UNC5C: variants seen among roughly 807,000 people sequenced by gnomAD.
UNC5C encodes the protein unc-5 netrin receptor C.
In UNC5C, 47 loss-of-function variants were observed where a neutral mutation model predicts 99.8. The observed-to-expected ratio is 0.47, with a 90% CI of 0.37 to 0.60. The LOEUF is 0.60. UNC5C is among the 20% of genes least tolerant of loss of function. The pLI, the probability that UNC5C is intolerant of heterozygous loss-of-function variation, is 0.00. For synonymous variants in UNC5C, 487 were observed against 452.2 expected (o/e 1.08, Z -0.98); for missense variants, 1,062 against 1,165.9 (o/e 0.91, Z 1.30).
At chr4:95,211,769 T>C (rs1344241060) in intron 10 of UNC5C, among the ~76,000 whole-genome samples, 1 of 152,032 alleles carries the variant, frequency 6.6e-6, no homozygotes, top group South Asian at 2.1e-4. Context: ...TTACCTTTTT[T>C]ATCCACTTAT....
At chr4:95,195,511 G>A (rs957026929) in intron 12 of UNC5C, among the ~76,000 whole-genome samples, 8 of 152,170 alleles carry the variant, frequency 5.3e-5, no homozygotes, top group African/African-American at 1.9e-4. Flanking sequence ...ATGGATACTA[G>A]GATAATTCCA....
intron 1 of UNC5C, among the ~76,000 whole-genome samples, chr4:95,398,919 GA>G (rs1268089066): frequency 6.6e-6 from 1 of 151,958 alleles, no homozygotes; most frequent in Non-Finnish European, 1.5e-5. Flanking sequence ...AAAAATCACA[GA>G]AAAAAAGTAT....
At chr4:95,413,942 A>C (rs2149453047) in intron 1 of UNC5C, among the ~76,000 whole-genome samples, 2 of 152,314 alleles carry the variant, frequency 1.3e-5, no homozygotes, top group South Asian at 4.1e-4. Context: ...TTTACCATCA[A>C]AGAAAAGCTG....
intron 7 of UNC5C, among the ~76,000 whole-genome samples, chr4:95,230,636 G>A (rs1310863607): frequency 6.6e-6 from 1 of 151,788 alleles, no homozygotes; most frequent in East Asian, 1.9e-4. Context: ...GTAAGGAAGG[G>A]GTCCAGTTTT....
intron 1 of UNC5C, among the ~76,000 whole-genome samples, chr4:95,348,953 G>T (rs1025859297): frequency 7.2e-6 from 1 of 138,954 alleles, no homozygotes. Flanking sequence ...ATAGAATGAT[G>T]GTTACCAGAA....
At chr4:95,358,278 G>A (rs902017830) in intron 1 of UNC5C, among the ~76,000 whole-genome samples, 3 of 152,104 alleles carry the variant, frequency 2.0e-5, no homozygotes, top group African/African-American at 4.8e-5. Context: ...TAAAATCATA[G>A]TTTCCTTGTG....
At chr4:95,186,033 G>A (rs926349189) in intron 12 of UNC5C, among the ~76,000 whole-genome samples, 1 of 152,154 alleles carries the variant, frequency 6.6e-6, no homozygotes, top group African/African-American at 2.4e-5. Context: ...GTTAATGGGA[G>A]TTAATGAAGC....
chr4:95,182,710 A>G (rs1018328810), intron 14 of UNC5C, among the ~76,000 whole-genome samples, 187 bp downstream of exon 14: 1 of 152,078 alleles, frequency 6.6e-6, no homozygotes, highest in Non-Finnish European at 1.5e-5. Context: ...CTTAATATAT[A>G]TATATTTTTT....
intron 1 of UNC5C, among the ~76,000 whole-genome samples, chr4:95,438,246 T>G (rs951425252): frequency 6.6e-6 from 1 of 152,082 alleles, no homozygotes; most frequent in African/African-American, 2.4e-5. Context: ...AGAGGTTCCA[T>G]GACCATGTCA....
chr4:95,284,948 G>A (rs1269107382), intron 3 of UNC5C, among the ~76,000 whole-genome samples: 2 of 152,144 alleles, frequency 1.3e-5, no homozygotes, highest in Non-Finnish European at 2.9e-5. Context: ...AGGCTCTATT[G>A]TCATGGGTCA....
At chr4:95,275,170 G>T (rs985001927) in intron 4 of UNC5C, among the ~76,000 whole-genome samples, 1 of 152,102 alleles carries the variant, frequency 6.6e-6, no homozygotes, top group Non-Finnish European at 1.5e-5. Context: ...GTCTTCATTT[G>T]TAGCGTGTGT....
At chr4:95,182,631 T>G (rs1453501006) in intron 14 of UNC5C, among the ~76,000 whole-genome samples, 1 of 152,194 alleles carries the variant, frequency 6.6e-6, no homozygotes, top group African/African-American at 2.4e-5. Flanking sequence ...AGATCTGTTT[T>G]TACAAGTTAG....
chr4:95,522,795 T>C (rs901152227), intron 1 of UNC5C, among the ~76,000 whole-genome samples: 1 of 152,164 alleles, frequency 6.6e-6, no homozygotes, highest in Non-Finnish European at 1.5e-5. Context: ...TTATCTGTGC[T>C]TGGAACTGCT....
intron 10 of UNC5C, among the ~76,000 whole-genome samples, chr4:95,215,713 C>T (rs531991537): frequency 4.5e-4 from 68 of 152,182 alleles, no homozygotes; most frequent in African/African-American, 1.5e-3. Flanking sequence ...TGAGTGGGAG[C>T]GGTAGGGATT....
chr4:95,328,988 C>T (rs181216303), intron 2 of UNC5C, among the ~76,000 whole-genome samples: 8 of 152,270 alleles, frequency 5.3e-5, no homozygotes, highest in Admixed American at 1.3e-4. Context: ...GTAAATGAGC[C>T]ATACCCCTGT....
chr4:95,365,598 C>A (rs1188626867), intron 1 of UNC5C, among the ~76,000 whole-genome samples: 2 of 151,762 alleles, frequency 1.3e-5, no homozygotes, highest in African/African-American at 2.4e-5. Flanking sequence ...TTTCTAATGG[C>A]TCAAACCTAT....
Position 95,206,749 on chromosome 4 carries a change from C to T in UNC5C, c.1781G>A (p.Cys594Tyr), listed in dbSNP as rs1024527050. Reference sequence around the variant, plus strand: ...GGTGAGCAGAGCTCCTGGGGGCCCACAGCTCACCACAGGGGTCAAAAGTGT... The same window carrying T: ...GGTGAGCAGAGCTCCTGGGGGCCCATAGCTCACCACAGGGGTCAAAAGTGT... ...SQTLLTPVVS[C>Y]GPPGALLTRP... Residue 594 changes from cysteine to tyrosine, a missense_variant, in exon 11 of 16, where the codon TGT becomes TAT. Physicochemically the swap from Cys to Tyr is radical, Grantham distance 194. Transcript: ENST00000453304. The T allele has an allele frequency of 1.5e-5, 25 of 1,613,472 alleles. 1 individual carries two copies. In the Admixed American group the frequency reaches 2.2e-4, roughly 14 times the overall value.
intron 1 of UNC5C, among the ~76,000 whole-genome samples, chr4:95,412,469 C>T (rs1473267657): frequency 1.3e-5 from 2 of 152,054 alleles, no homozygotes; most frequent in Non-Finnish European, 2.9e-5. Flanking sequence ...AGGAACTGAC[C>T]TTTATCTTGA....
rs542108127 is a variant in UNC5C, at chr4:95,211,655, C to T, written c.1733+4469G>A. Among the ~76,000 whole-genome samples the T allele has an allele frequency of 1.1e-4, 16 of 152,280 alleles. No individual in the cohort carries two copies. The East Asian group carries it at 1.2e-3, about 11-fold the overall frequency. On this transcript the variant is annotated intron_variant, in intron 10 of 15. Transcript: ENST00000453304. ...GAAAGGCTTAGAAATAGTAAATTCA[C>T]GACCTGGTACTAGCAAATGTGCTGG...
Sources: allele counts gnomAD v4.1 joint callset (sites outside exome capture counted in the v4.1 genomes callset), GRCh38; gene constraint gnomAD v4.1.1; transcripts MANE v1.5; gene names NCBI Gene and HGNC (gene_info 2026-07-23, HGNC 2026-07-21).